CD226: variants seen among roughly 807,000 people sequenced by gnomAD.
The protein encoded by CD226 is CD226 antigen.
In CD226, 24 loss-of-function variants were observed where a neutral mutation model predicts 34.9. The observed-to-expected ratio is 0.69, with a 90% confidence interval of 0.50 to 0.97. The LOEUF (loss-of-function observed/expected upper bound fraction) is 0.97, where lower values mean the gene tolerates loss of function less well. Ranked by LOEUF, CD226 falls within the 50% of genes least tolerant of loss-of-function variation. The probability of loss-of-function intolerance (pLI) is 0.00; values close to 1 mark genes in which losing one functional copy is unlikely to be tolerated. For missense variants in CD226, 397 were observed against 412.7 expected (o/e 0.96, Z 0.33); for synonymous variants, 148 against 147.4 (o/e 1.00, Z -0.03).
chr18:69,948,044 G>T (rs2055814781), upstream of CD226, among the ~76,000 whole-genome samples: 1 of 152,100 alleles, frequency 6.6e-6, no homozygotes, highest in African/African-American at 2.4e-5. Flanking sequence ...AAAGTATGCT[G>T]GCCCAGGGCA....
rs76209311 is a variant in CD226, at chr18:69,895,120, A to G, written c.727+581T>C. Among the ~76,000 whole-genome samples, 952 of 152,226 alleles carry G rather than the reference A, an allele frequency of 6.3e-3. 33 individuals carry two copies. The East Asian group carries it at 0.094, about 15-fold the overall frequency. On this transcript the variant is annotated intron_variant, in intron 3 of 5. Coordinates refer to ENST00000582621, the MANE Select transcript of CD226 (RefSeq NM_001303618.2). ...GAGGATCCCTGTGTCCCTTTTGGGG[A>G]TCTGCAAGGTCAAACCTATTTTCCT...
At chr18:69,883,705 T>C (rs1283969564) in intron 3 of CD226, among the ~76,000 whole-genome samples, 1 of 152,264 alleles carries the variant, frequency 6.6e-6, no homozygotes, top group African/African-American at 2.4e-5. Flanking sequence ...AAATAAGGCC[T>C]ATTGTATATG....
intron 3 of CD226, among the ~76,000 whole-genome samples, chr18:69,878,494 G>A (rs17081758): frequency 1.1e-3 from 163 of 152,072 alleles, no homozygotes; most frequent in African/African-American, 3.6e-3. Flanking sequence ...CGGCAGGCAA[G>A]AGTGGCCATT....
upstream of CD226, among the ~76,000 whole-genome samples, chr18:69,960,740 G>A (rs948858538): frequency 2.0e-5 from 3 of 152,224 alleles, no homozygotes; most frequent in African/African-American, 7.2e-5. Context: ...ATGAGCCACT[G>A]TGCCTGGCCA....
intron 2 of CD226, among the ~76,000 whole-genome samples, chr18:69,916,980 C>T (rs951520683): frequency 1.3e-5 from 2 of 152,166 alleles, no homozygotes; most frequent in African/African-American, 4.8e-5. Flanking sequence ...TCCCATTTCA[C>T]TCACACCCAA....
chr18:69,950,255 CTCTG>C (rs1237803964), upstream of CD226, among the ~76,000 whole-genome samples: 16 of 151,636 alleles, frequency 1.1e-4, no homozygotes, highest in Middle Eastern at 3.4e-3. Context: ...CTCTCACACA[CTCTG>C]TCTCTCTCTC....
rs1046936076 is a variant in CD226, at chr18:69,861,087, G to A, written c.*3227C>T. 2.6e-5 allele frequency: 4 copies of A among 151,916 alleles called. No individual in the cohort carries two copies. The highest frequency in any genetic ancestry group is 6.6e-5 in the Admixed American group (1 of 15,250). 9.4% of individuals were successfully genotyped at this position (151,916 alleles called of 1,614,324 possible). On this transcript the variant is annotated 3_prime_UTR_variant, in exon 6 of 6. Transcript: ENST00000582621. ...TATAACTTGGATGTTCACAATCCACGAATGCCTACTAAAAGTATTTTTACT... is the reference window on the plus strand; with the variant it reads ...TATAACTTGGATGTTCACAATCCACAAATGCCTACTAAAAGTATTTTTACT...
chr18:69,865,233 G>A (rs139474611), intron 5 of CD226, among the ~76,000 whole-genome samples: 2,415 of 152,114 alleles, frequency 0.016, 27 homozygotes, highest in South Asian at 0.025. Context: ...CAGACGATCC[G>A]CCCACCTCAG....
Position 69,861,554 on chromosome 18 carries a change from G to GTGTATATATATATATA in CD226, c.*2759_*2760insTATATATATATATACA, listed in dbSNP as rs59216052. 1.0e-3 allele frequency: 130 copies of GTGTATATATATATATA among 127,944 alleles called. 2 individuals are homozygous for GTGTATATATATATATA. In the East Asian group the frequency reaches 0.013, roughly 13 times the overall value. 7.9% of individuals were successfully genotyped at this position (127,944 alleles called of 1,614,324 possible). A position where few individuals can be genotyped will look rare whatever the true frequency, so the allele number is the denominator to read the frequency against. On this transcript the variant is annotated 3_prime_UTR_variant, in exon 6 of 6. Coordinates refer to ENST00000582621, the MANE Select transcript of CD226 (RefSeq NM_001303618.2). ...ATAAATTATATGTGTATATATATAT[G>GTGTATATATATATATA]TATATATATATATATATATGTAAAA...
intron 3 of CD226, among the ~76,000 whole-genome samples, chr18:69,885,469 CAGA>C (rs1984503782): frequency 6.6e-6 from 1 of 152,102 alleles, no homozygotes; most frequent in African/African-American, 2.4e-5. Context: ...GGAGAAGCCT[CAGA>C]AGGAGGAAGG....
chr18:69,877,993 G>C (rs1983983019), intron 3 of CD226, among the ~76,000 whole-genome samples: 1 of 152,130 alleles, frequency 6.6e-6, no homozygotes, highest in Non-Finnish European at 1.5e-5. Context: ...GGCCTATACA[G>C]GGCTTGCACC....
intron 3 of CD226, among the ~76,000 whole-genome samples, chr18:69,888,640 C>T (rs1984706048): frequency 6.6e-6 from 1 of 152,040 alleles, no homozygotes; most frequent in Admixed American, 6.5e-5. Flanking sequence ...GAGAGAAAAA[C>T]TTTATGAAAA....
chr18:69,925,311 T>C (rs2055507958), intron 2 of CD226, among the ~76,000 whole-genome samples: 1 of 152,008 alleles, frequency 6.6e-6, no homozygotes. Flanking sequence ...CATAACCAAA[T>C]ACAAACTAGG....
chr18:69,879,969 C>T (rs1984115911), intron 3 of CD226, among the ~76,000 whole-genome samples: 1 of 152,194 alleles, frequency 6.6e-6, no homozygotes, highest in African/African-American at 2.4e-5. Context: ...CAGGTTTACG[C>T]TGTGTCAAAG....
upstream of CD226, among the ~76,000 whole-genome samples, chr18:69,951,224 C>T (rs1345050068): frequency 2.0e-5 from 3 of 152,058 alleles, no homozygotes; most frequent in East Asian, 5.8e-4. Flanking sequence ...TGCACTTGTA[C>T]ATGTTGGCCT....
intron 2 of CD226, among the ~76,000 whole-genome samples, chr18:69,930,960 G>A (rs959688452): frequency 2.0e-5 from 3 of 152,144 alleles, no homozygotes; most frequent in African/African-American, 4.8e-5. Flanking sequence ...ACTATTCACA[G>A]TAGCAAAGAC....
At chr18:69,879,374 G>C (rs140879926) in intron 3 of CD226, among the ~76,000 whole-genome samples, 1 of 151,988 alleles carries the variant, frequency 6.6e-6, no homozygotes, top group South Asian at 2.1e-4. Context: ...CCATTATAGA[G>C]GGCTCTCCTC....
At chr18:69,898,540 G>A (rs1199538518) in intron 2 of CD226, among the ~76,000 whole-genome samples, 2 of 152,148 alleles carry the variant, frequency 1.3e-5, no homozygotes, top group Non-Finnish European at 2.9e-5. Flanking sequence ...CAAAGTGCAG[G>A]GAGGTTACAG....
upstream of CD226, among the ~76,000 whole-genome samples, chr18:69,949,163 G>A (rs534582868): frequency 2.0e-5 from 3 of 152,092 alleles, no homozygotes; most frequent in South Asian, 4.2e-4. Context: ...CAGAAACCGC[G>A]GCGTCATGCT....
Sources: allele counts gnomAD v4.1 joint callset (sites outside exome capture counted in the v4.1 genomes callset), GRCh38; gene constraint gnomAD v4.1.1; transcripts MANE v1.5; gene names NCBI Gene and HGNC (gene_info 2026-07-23, HGNC 2026-07-21).